Variants in ZNF469 observed in about 807,000 individuals in gnomAD.
ZNF469 encodes the protein zinc finger protein 469.
In ZNF469, 1 loss-of-function variant was observed where a neutral mutation model predicts 1.0. That is an observed-to-expected ratio of 1.00 (90% confidence interval 0.35 to 4.73). The LOEUF (loss-of-function observed/expected upper bound fraction) is 4.73, where lower values mean the gene tolerates loss of function less well. Ranked by LOEUF, ZNF469 falls within the 30% of genes most tolerant of loss-of-function variation. ZNF469 has a pLI of 0.16. For missense variants in ZNF469, 6,100 were observed against 5,356.3 expected (o/e 1.14, Z -4.33); for synonymous variants, 2,703 against 2,363.4 (o/e 1.14, Z -4.17).
the ZNF469 span, among the ~76,000 whole-genome samples, chr16:88,213,525 C>T: frequency 6.6e-6 from 1 of 152,150 alleles, no homozygotes; most frequent in Non-Finnish European, 1.5e-5. Context: ...GTTAGCATAG[C>T]AAAAAGTCTT....
At chr16:88,207,544 T>C in the ZNF469 span, among the ~76,000 whole-genome samples, 1 of 148,466 alleles carries the variant, frequency 6.7e-6, no homozygotes, top group Non-Finnish European at 1.5e-5. Context: ...TGGGTGCCTG[T>C]GGCTGCTCCA....
chr16:88,355,049 C>T, the ZNF469 span, among the ~76,000 whole-genome samples: 11 of 151,264 alleles, frequency 7.3e-5, no homozygotes, highest in East Asian at 2.0e-4. Context: ...AACGTGGGCT[C>T]GCGGCCCTGT....
the ZNF469 span, among the ~76,000 whole-genome samples, chr16:88,123,917 T>C: frequency 8.1e-4 from 123 of 152,238 alleles, no homozygotes; most frequent in African/African-American, 2.4e-3. Flanking sequence ...GATTCTCCTG[T>C]CTCAGCCTCC....
chr16:88,236,586 G>T, the ZNF469 span, among the ~76,000 whole-genome samples: 2 of 152,372 alleles, frequency 1.3e-5, no homozygotes, highest in South Asian at 4.1e-4. Flanking sequence ...TTATTTTTGG[G>T]CTGGGCGCGG....
At chr16:88,206,595 T>G in the ZNF469 span, among the ~76,000 whole-genome samples, 20 of 152,074 alleles carry the variant, frequency 1.3e-4, no homozygotes, top group Middle Eastern at 3.4e-3. Context: ...ACCCTACACT[T>G]GTCTCTGGTC....
chr16:88,327,908 G>T, the ZNF469 span, among the ~76,000 whole-genome samples: 1 of 152,196 alleles, frequency 6.6e-6, no homozygotes, highest in African/African-American at 2.4e-5. Flanking sequence ...AACCAGAAAC[G>T]TGAGATTGTC....
chr16:88,185,589 T>A, the ZNF469 span, among the ~76,000 whole-genome samples: 1 of 144,446 alleles, frequency 6.9e-6, no homozygotes, highest in Non-Finnish European at 1.5e-5. Flanking sequence ...CGCACACACA[T>A]GCATACACAT....
At chr16:88,138,325 C>G in the ZNF469 span, among the ~76,000 whole-genome samples, 1 of 152,194 alleles carries the variant, frequency 6.6e-6, no homozygotes, top group Non-Finnish European at 1.5e-5. Flanking sequence ...CTGCCCTCAG[C>G]CCACTTTCCC....
the ZNF469 span, among the ~76,000 whole-genome samples, chr16:88,201,258 A>G: frequency 2.0e-5 from 3 of 152,202 alleles, no homozygotes; most frequent in South Asian, 2.1e-4. The surrounding 1 kb of genome is among the most constrained non-coding windows in gnomAD (Gnocchi z 5.0). Context: ...ATAACCCTTT[A>G]CAAATGAAGG....
rs1200973922 is a variant in ZNF469 at position 88,437,457 on chromosome 16, C to G, written c.9987C>G (p.His3329Gln). ...GEPLLQATPV[H>Q]EACKDPSRDC... ...CCCTCCTGCAAGCCACCCCGGTGCACGAGGCCTGCAAGGACCCCTCCCGCG... is the reference window on the plus strand; with the variant it reads ...CCCTCCTGCAAGCCACCCCGGTGCAGGAGGCCTGCAAGGACCCCTCCCGCG... Residue 3329 changes from histidine (H) to glutamine (Q), a missense_variant, in exon 3 of 3, where the codon CAC becomes CAG. Coordinates refer to ENST00000565624, the MANE Select transcript of ZNF469 (RefSeq NM_001367624.2). The G allele has an allele frequency of 1.3e-6, 2 of 1,530,122 alleles. No homozygotes were observed. The highest frequency in any genetic ancestry group is 2.4e-5 in the South Asian group (2 of 82,780). 94.8% of individuals were successfully genotyped at this position (1,530,122 alleles called of 1,614,324 possible). A position where few individuals can be genotyped will look rare whatever the true frequency, so the allele number is the denominator to read the frequency against.
upstream of ZNF469, among the ~76,000 whole-genome samples, chr16:88,381,166 C>A (rs1273700056): frequency 5.1e-4 from 48 of 93,356 alleles, no homozygotes; most frequent in Admixed American, 1.3e-3. Context: ...ACAGACACGC[C>A]CTCACACACA....
chr16:88,404,500 T>A (rs1478365896), intron 1 of ZNF469, among the ~76,000 whole-genome samples: 1 of 151,950 alleles, frequency 6.6e-6, no homozygotes, highest in East Asian at 1.9e-4. Context: ...GCCTTCGTGG[T>A]GGGGAGAGGA....
In ZNF469 at chr16:88,430,267, C is replaced by G. The variant is rs1233804840; in HGVS notation, c.2797C>G (p.Pro933Ala). ...CAAAACGCGTTCCCTGGGTCTGGCCCCCACCGAGGCGGATGCGCCCAGCCA... is the reference window on the plus strand; with the variant it reads ...CAAAACGCGTTCCCTGGGTCTGGCCGCCACCGAGGCGGATGCGCCCAGCCA... ...RPKTRSLGLA[P>A]TEADAPSQGR... The change falls in exon 3 of 3, where the codon CCC becomes GCC. Residue 933 changes from proline (P) to alanine (A), a missense_variant. By Grantham distance (27) the Pro-to-Ala change is conservative (BLOSUM62 -1). Transcript: ENST00000565624. 34 of 1,517,118 alleles carry G rather than the reference C, an allele frequency of 2.2e-5. No individual in the cohort carries two copies. The highest frequency in any genetic ancestry group is 3.0e-5 in the Non-Finnish European group (34 of 1,133,698). 94.0% of individuals were successfully genotyped at this position (1,517,118 alleles called of 1,614,324 possible).
chr16:88,231,126 G>T, the ZNF469 span, among the ~76,000 whole-genome samples: 13 of 152,198 alleles, frequency 8.5e-5, no homozygotes, highest in African/African-American at 2.9e-4. The surrounding 1 kb of genome is among the most constrained non-coding windows in gnomAD (Gnocchi z 4.5). Flanking sequence ...GGTCATGCCA[G>T]TTGGTTCATG....
At chr16:88,333,720 G>T in the ZNF469 span, among the ~76,000 whole-genome samples, 2 of 152,216 alleles carry the variant, frequency 1.3e-5, no homozygotes, top group African/African-American at 4.8e-5. Flanking sequence ...TTCTTCCCAC[G>T]GATGCGGGCC....
the ZNF469 span, among the ~76,000 whole-genome samples, chr16:88,274,579 G>A: frequency 6.6e-6 from 1 of 152,242 alleles, no homozygotes; most frequent in Non-Finnish European, 1.5e-5. Context: ...CCCGGGGAGG[G>A]CAGGCCGTGT....
Position 88,435,856 on chromosome 16 carries a change from C to A in ZNF469, c.8386C>A (p.Pro2796Thr). ...EEGVWEENTP[P>T]LGPLGFPETS... ...AGGTGTCTGGGAGGAGAACACGCCC[C>A]CCTTGGGCCCCCTGGGTTTTCCCGA... Residue 2796 changes from proline to threonine, a missense_variant, in exon 3 of 3, where the codon CCC (proline) becomes ACC (threonine). Coordinates refer to ENST00000565624, the MANE Select transcript of ZNF469 (RefSeq NM_001367624.2). 1 of 1,550,340 alleles carries A rather than the reference C, an allele frequency of 6.5e-7. No homozygotes were observed. Among genetic ancestry groups the A allele is most frequent in the Non-Finnish European group, 8.7e-7 (1 of 1,146,968 alleles).
chr16:88,174,939 C>T, the ZNF469 span, among the ~76,000 whole-genome samples: 3 of 150,276 alleles, frequency 2.0e-5, no homozygotes, highest in Non-Finnish European at 3.0e-5. Context: ...TAGGGTCAAC[C>T]GTGTGTGTGT....
chr16:88,236,605 G>C, the ZNF469 span, among the ~76,000 whole-genome samples: 2 of 152,224 alleles, frequency 1.3e-5, no homozygotes, highest in African/African-American at 4.8e-5. Context: ...GGTATCTCAC[G>C]CCTGTAATCC....
Sources: gnomAD v4.1 joint callset for allele counts (sites outside exome capture counted in the v4.1 genomes callset) on GRCh38, gnomAD v4.1.1 for gene constraint, Gnocchi (gnomAD v3.1) non-coding constraint, MANE v1.5 for transcripts, NCBI Gene and HGNC (gene_info 2026-07-23, HGNC 2026-07-21) for gene names.